Variants in GRM8 observed in about 807,000 individuals in gnomAD.
GRM8 encodes glutamate metabotropic receptor 8, also known as metabotropic glutamate receptor 8.
Under a neutral mutation model 87.2 loss-of-function variants are expected in GRM8, and 47 were observed. The ratio of observed to expected loss-of-function variants is 0.54; its 90% confidence interval spans 0.43 to 0.69. The LOEUF (loss-of-function observed/expected upper bound fraction) is 0.69, where lower values mean the gene tolerates loss of function less well. GRM8 is among the 30% of genes least tolerant of loss of function. GRM8 has a pLI of 0.00. For missense variants in GRM8, 1,019 were observed against 1,139.2 expected, an observed-to-expected ratio of 0.89 and a Z score of 1.52; for synonymous variants, 396 against 404.5, an observed-to-expected ratio of 0.98 and a Z score of 0.25.
chr7:126,745,186 A>G lies in GRM8; in HGVS notation c.1357+24679T>C, dbSNP rs75428734. On this transcript the variant is annotated intron_variant, in intron 7 of 10. Coordinates refer to ENST00000339582, the MANE Select transcript of GRM8 (RefSeq NM_000845.3). Reference sequence around the variant, plus strand: ...ATGTTAGGATTCTCTACAATTTAATAGAAAAAAAAGATCATTTCTCTGGCA... The same window carrying G: ...ATGTTAGGATTCTCTACAATTTAATGGAAAAAAAAGATCATTTCTCTGGCA... Among the ~76,000 whole-genome samples the G allele has an allele frequency of 5.4e-3, 819 of 151,710 alleles. 6 individuals are homozygous for G. The highest frequency in any genetic ancestry group is 0.019 in the African/African-American group (786 of 41,518).
intron 9 of GRM8, among the ~76,000 whole-genome samples, chr7:126,467,277 G>A (rs1214600749): frequency 2.6e-5 from 4 of 151,550 alleles, no homozygotes; most frequent in Admixed American, 6.6e-5. Context: ...AGTTTATTTC[G>A]TTGCTGAGTC....
At chr7:126,920,532 G>T (rs1465506951) in intron 3 of GRM8, among the ~76,000 whole-genome samples, 1 of 152,158 alleles carries the variant, frequency 6.6e-6, no homozygotes, top group Non-Finnish European at 1.5e-5. Context: ...CAGAAACAAA[G>T]CTGGTGTTCT....
At chr7:126,488,623 G>T (rs1221915981) in intron 9 of GRM8, among the ~76,000 whole-genome samples, 1 of 151,508 alleles carries the variant, frequency 6.6e-6, no homozygotes, top group Non-Finnish European at 1.5e-5. Context: ...AATCTTCCAG[G>T]AGCCAGTCCA....
intron 3 of GRM8, among the ~76,000 whole-genome samples, chr7:127,038,029 C>T (rs141755049): frequency 2.8e-4 from 43 of 152,180 alleles, no homozygotes; most frequent in African/African-American, 1.0e-3. Flanking sequence ...ACTATTAATT[C>T]GTATGGCAGT....
intron 7 of GRM8, among the ~76,000 whole-genome samples, chr7:126,674,807 C>G (rs1585471476): frequency 6.6e-6 from 1 of 151,948 alleles, no homozygotes; most frequent in South Asian, 2.1e-4. Context: ...AGCACAAAAC[C>G]TAGATAAGGA....
chr7:127,126,808 TGAG>T (rs1827399192), intron 2 of GRM8, among the ~76,000 whole-genome samples: 2 of 151,922 alleles, frequency 1.3e-5, no homozygotes, highest in African/African-American at 4.8e-5. Flanking sequence ...AATCACAGAT[TGAG>T]GAGAAAATAC....
At chr7:127,029,661 C>CTT (rs5887322) in intron 3 of GRM8, among the ~76,000 whole-genome samples, 39 of 148,526 alleles carry the variant, frequency 2.6e-4, no homozygotes, top group Middle Eastern at 3.5e-3. Flanking sequence ...GCAACCTCTG[C>CTT]TTTTTTTTTT....
At chr7:127,246,858 C>G (rs1361242258) in intron 1 of GRM8, among the ~76,000 whole-genome samples, 1 of 152,180 alleles carries the variant, frequency 6.6e-6, no homozygotes, top group Non-Finnish European at 1.5e-5. Context: ...GGCATTAGCT[C>G]TTGTATAAAT....
chr7:126,661,835 C>T (rs1805209168), intron 7 of GRM8, among the ~76,000 whole-genome samples: 1 of 152,176 alleles, frequency 6.6e-6, no homozygotes, highest in Admixed American at 6.5e-5. Flanking sequence ...TAAAAAAGCT[C>T]CCTAACAACT....
intron 7 of GRM8, among the ~76,000 whole-genome samples, chr7:126,734,783 C>T (rs999063386): frequency 6.6e-6 from 1 of 151,804 alleles, no homozygotes; most frequent in Admixed American, 6.6e-5. Context: ...GACCTGTGAA[C>T]AAGATATAAT....
At chr7:126,949,571 G>C (rs1273001885) in intron 3 of GRM8, among the ~76,000 whole-genome samples, 2 of 152,166 alleles carry the variant, frequency 1.3e-5, no homozygotes, top group African/African-American at 4.8e-5. Flanking sequence ...TATCTCCATG[G>C]TTTTGTGAGT....
intron 3 of GRM8, among the ~76,000 whole-genome samples, chr7:127,058,850 C>G (rs1820280381): frequency 6.6e-6 from 1 of 152,236 alleles, no homozygotes; most frequent in Non-Finnish European, 1.5e-5. Flanking sequence ...AACTTATGAA[C>G]TCTTCCAAAA....
chr7:126,529,467 T>A (rs566587321), intron 9 of GRM8, among the ~76,000 whole-genome samples: 4 of 152,318 alleles, frequency 2.6e-5, no homozygotes, highest in African/African-American at 9.6e-5. Context: ...GGGAGGAGTC[T>A]AAGGTGACAA....
chr7:127,148,767 A>C (rs1441646652), intron 2 of GRM8, among the ~76,000 whole-genome samples: 2 of 152,090 alleles, frequency 1.3e-5, no homozygotes, highest in Non-Finnish European at 2.9e-5. Context: ...ACTTAAAAAT[A>C]ACTTAGGACA....
At chr7:127,065,713 G>T (rs1821039693) in intron 3 of GRM8, among the ~76,000 whole-genome samples, 1 of 152,112 alleles carries the variant, frequency 6.6e-6, no homozygotes, top group Non-Finnish European at 1.5e-5. Context: ...CTGCCCAAGT[G>T]GAATTCTCAT....
At chr7:126,709,490 G>C (rs1383933522) in intron 7 of GRM8, among the ~76,000 whole-genome samples, 1 of 151,860 alleles carries the variant, frequency 6.6e-6, no homozygotes, top group African/African-American at 2.4e-5. Context: ...AGAAGAAGAA[G>C]GAGGAGGGAG....
At chr7:126,825,604 A>C (rs1794689848) in intron 6 of GRM8, among the ~76,000 whole-genome samples, 1 of 152,208 alleles carries the variant, frequency 6.6e-6, no homozygotes. Flanking sequence ...GGTACTTAAT[A>C]GTGTTAAAGG....
At chr7:127,108,021 C>A (rs759203352) in intron 2 of GRM8, among the ~76,000 whole-genome samples, 33 of 152,142 alleles carry the variant, frequency 2.2e-4, no homozygotes, top group Non-Finnish European at 4.4e-4. Context: ...CCCATTTAAC[C>A]CCAAATTCTT....
chr7:126,593,257 A>G (rs1338007686), intron 8 of GRM8, among the ~76,000 whole-genome samples: 2 of 152,072 alleles, frequency 1.3e-5, no homozygotes, highest in Non-Finnish European at 2.9e-5. Flanking sequence ...AGAAAAAACA[A>G]TTTTAAAATT....
Sources: allele counts gnomAD v4.1 joint callset (sites outside exome capture counted in the v4.1 genomes callset), GRCh38; gene constraint gnomAD v4.1.1; transcripts MANE v1.5; gene names NCBI Gene and HGNC (gene_info 2026-07-23, HGNC 2026-07-21).